Variants in RAD51B observed in about 807,000 individuals in gnomAD.
The protein encoded by RAD51B is RAD51 paralog B, also known as DNA repair protein RAD51 homolog 2.
In RAD51B, 38 loss-of-function variants were observed where a neutral mutation model predicts 42.2. The observed-to-expected ratio is 0.90, with a 90% confidence interval of 0.70 to 1.18. RAD51B has a LOEUF of 1.18. Among genes scored for constraint, RAD51B ranks in the 50% most tolerant of loss-of-function variants. The pLI is 0.00. For synonymous variants in RAD51B, 154 were observed against 145.2 expected (o/e 1.06, Z -0.43); for missense variants, 373 against 400.7 (o/e 0.93, Z 0.59).
intron 7 of RAD51B, among the ~76,000 whole-genome samples, chr14:68,283,412 C>T (rs779127694): frequency 1.3e-5 from 2 of 152,206 alleles, no homozygotes; most frequent in Non-Finnish European, 2.9e-5. Context: ...CCATGTGAAC[C>T]TCAGAGTCAT....
chr14:67,924,767 C>T (rs537322535), intron 7 of RAD51B, among the ~76,000 whole-genome samples: 53 of 152,154 alleles, frequency 3.5e-4, no homozygotes, highest in Non-Finnish European at 6.2e-4. Flanking sequence ...TATCATTCCA[C>T]CCCTGGAGCC....
At chr14:67,869,103 T>C (rs2042431685) in intron 5 of RAD51B, among the ~76,000 whole-genome samples, 1 of 152,202 alleles carries the variant, frequency 6.6e-6, no homozygotes, top group African/African-American at 2.4e-5. Context: ...TTTGACGAGC[T>C]GAGAGAAGAA....
chr14:67,858,103 A>G (rs912381379), intron 4 of RAD51B: 2 of 151,958 alleles, frequency 1.3e-5, no homozygotes, highest in Non-Finnish European at 2.9e-5. Flanking sequence ...GTGTTACAGT[A>G]CTCTCTTAGT....
chr14:68,064,235 G>T (rs1186988826), intron 7 of RAD51B, among the ~76,000 whole-genome samples: 3 of 152,100 alleles, frequency 2.0e-5, no homozygotes, highest in South Asian at 4.1e-4. Flanking sequence ...AGTATTCATG[G>T]CTAGCAATTT....
intron 9 of RAD51B, among the ~76,000 whole-genome samples, chr14:68,426,366 G>T (rs902333587): frequency 6.6e-6 from 1 of 151,928 alleles, no homozygotes; most frequent in Non-Finnish European, 1.5e-5. Context: ...GTGAGCCACC[G>T]GGCCTGGTCA....
At chr14:68,520,262 A>G (rs1009650041) in intron 10 of RAD51B, among the ~76,000 whole-genome samples, 2 of 152,246 alleles carry the variant, frequency 1.3e-5, no homozygotes, top group African/African-American at 4.8e-5. Flanking sequence ...TTCCTAAACC[A>G]TCAGAGCCCC....
intron 7 of RAD51B, among the ~76,000 whole-genome samples, chr14:68,072,110 AAAAATATAT>A (rs1566623113): frequency 9.1e-6 from 1 of 109,834 alleles, no homozygotes; most frequent in East Asian, 2.2e-4. Context: ...ATAAAATATA[AAAAATATAT>A]AAAATATATA....
chr14:68,621,382 C>A (rs1891945102), intron 10 of RAD51B, among the ~76,000 whole-genome samples: 2 of 152,208 alleles, frequency 1.3e-5, no homozygotes, highest in Admixed American at 6.5e-5. Flanking sequence ...CCATTCTCTC[C>A]CACTCCTTTC....
intron 10 of RAD51B, among the ~76,000 whole-genome samples, chr14:68,634,026 G>A (rs959194293): frequency 6.6e-6 from 1 of 152,192 alleles, no homozygotes; most frequent in South Asian, 2.1e-4. Context: ...AGTTTGACAG[G>A]AATAAGCAAG....
chr14:68,444,261 C>A (rs2085368641), intron 9 of RAD51B, among the ~76,000 whole-genome samples: 1 of 152,256 alleles, frequency 6.6e-6, no homozygotes, highest in Non-Finnish European at 1.5e-5. Context: ...CCAAAGATGA[C>A]AAGCTACTGT....
At chr14:67,879,823 A>G (rs576488467) in intron 5 of RAD51B, among the ~76,000 whole-genome samples, 1 of 152,298 alleles carries the variant, frequency 6.6e-6, no homozygotes, top group East Asian at 1.9e-4. Context: ...TTGGAAAGGG[A>G]GGAATATTTT....
chr14:68,200,774 C>T (rs2079468215), intron 7 of RAD51B, among the ~76,000 whole-genome samples: 1 of 152,166 alleles, frequency 6.6e-6, no homozygotes, highest in Non-Finnish European at 1.5e-5. Context: ...CCACCTCAGC[C>T]TCCCAAGTAA....
intron 7 of RAD51B, among the ~76,000 whole-genome samples, chr14:67,919,805 C>T (rs1010481398): frequency 6.6e-6 from 1 of 152,150 alleles, no homozygotes; most frequent in African/African-American, 2.4e-5. Context: ...CCCTTCAGTT[C>T]TCTGCTGCTA....
chr14:68,424,452 T>C (rs925228540), intron 9 of RAD51B, among the ~76,000 whole-genome samples: 1 of 152,208 alleles, frequency 6.6e-6, no homozygotes, highest in Admixed American at 6.5e-5. Flanking sequence ...CCAGCACAGC[T>C]TCTAACCCTT....
At chr14:68,434,067 A>G (rs965745972) in intron 9 of RAD51B, among the ~76,000 whole-genome samples, 1 of 152,170 alleles carries the variant, frequency 6.6e-6, no homozygotes, top group African/African-American at 2.4e-5. Flanking sequence ...GAATATTGCT[A>G]AACAGCAAAT....
intron 7 of RAD51B, among the ~76,000 whole-genome samples, chr14:68,203,059 G>A (rs2079521351): frequency 6.6e-6 from 1 of 152,128 alleles, no homozygotes; most frequent in African/African-American, 2.4e-5. Context: ...TAAAACTCCT[G>A]TTTATGCTGA....
At chr14:68,148,560 A>AT (rs1052883883) in intron 7 of RAD51B, among the ~76,000 whole-genome samples, 1 of 152,098 alleles carries the variant, frequency 6.6e-6, no homozygotes, top group Non-Finnish European at 1.5e-5. Context: ...CACTTTTTTG[A>AT]TTTTTCAATG....
downstream of RAD51B, chr14:68,478,102 G>A (rs774026347): frequency 4.8e-6 from 5 of 1,043,216 alleles, no homozygotes; most frequent in South Asian, 4.6e-5. Context: ...GATAAAAAGA[G>A]TAGGTGTAAA....
Position 67,859,965 on chromosome 14 carries a change from C to A in RAD51B, c.316-5038C>A, listed in dbSNP as rs2042113634. The stretch of plus-strand genomic sequence containing the variant: ...CCTCCCGAGGAGCTGGGATTACAGG[C>A]ATGCACCACCACGCCTGGCTAATTT... On this transcript the variant is annotated intron_variant, in intron 4 of 10. Transcript: ENST00000471583. Among the ~76,000 whole-genome samples the A allele has an allele frequency of 1.3e-5, 2 of 152,106 alleles. 1 individual carries two copies. The highest frequency in any genetic ancestry group is 4.8e-5 in the African/African-American group (2 of 41,420).
Sources: allele counts gnomAD v4.1 joint callset (sites outside exome capture counted in the v4.1 genomes callset), GRCh38; gene constraint gnomAD v4.1.1; transcripts MANE v1.5; gene names NCBI Gene and HGNC (gene_info 2026-07-23, HGNC 2026-07-21).